Variants in TRPM4 observed in about 807,000 individuals in gnomAD.
The protein encoded by TRPM4 is calcium-activated non-selective cation channel 1.
Under a neutral mutation model 135.6 loss-of-function variants are expected in TRPM4, and 124 were observed. The ratio of observed to expected loss-of-function variants is 0.91; its 90% confidence interval spans 0.79 to 1.06. The LOEUF (loss-of-function observed/expected upper bound fraction) is 1.06, where lower values mean the gene tolerates loss of function less well. Ranked by LOEUF, TRPM4 falls within the 50% of genes least tolerant of loss-of-function variation. The pLI is 0.00. For synonymous variants in TRPM4, 745 were observed against 705.6 expected, an observed-to-expected ratio of 1.06 and a Z score of -0.88; for missense variants, 1,658 against 1,671.4, an observed-to-expected ratio of 0.99 and a Z score of 0.14.
intron 9 of TRPM4, among the ~76,000 whole-genome samples, chr19:49,174,667 C>T (rs942259032): frequency 6.7e-6 from 1 of 149,228 alleles, no homozygotes; most frequent in Non-Finnish European, 1.5e-5. Flanking sequence ...GTGGCTGAGG[C>T]AGGGGAATCG....
chr19:49,200,181 GGGTCCT>G, intron 17 of TRPM4, 113 bp from the exon 18 acceptor site: 1 of 1,486,884 alleles, frequency 6.7e-7, no homozygotes, highest in Admixed American at 1.7e-5. Flanking sequence ...GTGACTGGGA[GGGTCCT>G]GGTCCTGCCC....
At position 49,167,623 on chromosome 19, in the gene TRPM4, G is replaced by C. The variant is rs146846093; in HGVS notation, c.268-294G>C. The C allele has an allele frequency of 3.2e-4, 72 of 224,614 alleles. 1 individual carries two copies. The highest frequency in any genetic ancestry group is 3.0e-3 in the African/African-American group (52 of 17,552). The allele number at this position is 224,614 out of a possible 1,614,324, so 13.9% of individuals were successfully genotyped here. A position where few individuals can be genotyped will look rare whatever the true frequency, so the allele number is the denominator to read the frequency against. On this transcript the variant is annotated intron_variant, in intron 3 of 24. Transcript: ENST00000252826. ...CCATCTCTCTGGGTCTCTGTCCCAT[G>C]TCTCTGGGTCTCTGTCCCTCTCTCT... is the stretch of plus-strand genomic sequence containing the variant.
At position 49,181,342 on chromosome 19, in the gene TRPM4, C is replaced by T; in HGVS notation, c.1151-7C>T. On this transcript the variant is annotated splice_polypyrimidine_tract_variant and splice_region_variant and intron_variant, in intron 9 of 24. Coordinates refer to ENST00000252826, the MANE Select transcript of TRPM4 (RefSeq NM_017636.4). ...CTTCTTGTCCCCTCTCCCTCTAATC[C>T]TTCCAGCCTGTGGGAGCTCGGAGGC... 17 of 1,609,684 alleles carry T rather than the reference C, an allele frequency of 1.1e-5. No homozygotes were observed. Among genetic ancestry groups the T allele is most frequent in the Non-Finnish European group, 1.4e-5 (16 of 1,176,162 alleles).
At chr19:49,174,592 C>A (rs566463774) in intron 9 of TRPM4, among the ~76,000 whole-genome samples, 14 of 152,008 alleles carry the variant, frequency 9.2e-5, no homozygotes, top group African/African-American at 3.1e-4. Context: ...GAAATGCCAC[C>A]TCTATAAAAA....
intron 17 of TRPM4, among the ~76,000 whole-genome samples, chr19:49,199,254 TTTTTG>T (rs1968821035): frequency 2.6e-5 from 2 of 76,718 alleles, no homozygotes; most frequent in East Asian, 3.2e-4. Context: ...TTTTTTTTGG[TTTTTG>T]TTTTTGTTTT....
rs537498276 is a variant in TRPM4, at chr19:49,170,572, G to A, written c.797-785G>A. ...GATTTTGGTAAATATCTATATTGTG[G>A]TTAGATAGCCCTTTCTATTCCCATT... On this transcript the variant is annotated intron_variant, in intron 6 of 24. Transcript: ENST00000252826. Among the ~76,000 whole-genome samples the A allele has an allele frequency of 5.9e-5, 9 of 152,234 alleles. No homozygotes were observed. The South Asian group carries it at 1.9e-3, about 32-fold the overall frequency.
At chr19:49,183,012 G>A in intron 11 of TRPM4, 66 bp from the exon 12 acceptor site, 9 of 1,602,898 alleles carry the variant, frequency 5.6e-6, no homozygotes, top group Non-Finnish European at 7.6e-6. Flanking sequence ...CCAAACCAGA[G>A]GCAGGGCTGG....
chr19:49,182,967 C>T (rs777775440), intron 11 of TRPM4, 45 bp downstream of exon 11: 1 of 1,588,868 alleles, frequency 6.3e-7, no homozygotes, highest in South Asian at 1.1e-5. Context: ...GCGGGAAGGA[C>T]CTGGGGGCGG....
intron 11 of TRPM4, 24 bp downstream of exon 11, chr19:49,182,946 G>A (rs1305271281): frequency 1.3e-6 from 2 of 1,582,696 alleles, no homozygotes; most frequent in East Asian, 2.3e-5. Context: ...AAAGCTGGGG[G>A]GCCCCCCCGC....
intron 3 of TRPM4, 42 bp downstream of exon 3, chr19:49,166,257 C>A: frequency 1.3e-6 from 2 of 1,547,384 alleles, no homozygotes; most frequent in Non-Finnish European, 8.7e-7. Flanking sequence ...CACCAGGGGG[C>A]TGCATGCTCG....
chr19:49,163,139 C>G (rs1226781883), intron 2 of TRPM4, among the ~76,000 whole-genome samples: 2 of 151,756 alleles, frequency 1.3e-5, no homozygotes, highest in Non-Finnish European at 2.9e-5. Flanking sequence ...ATGCAGCTAT[C>G]ACATTGGACA....
At chr19:49,183,898 C>T (rs532614185) in intron 12 of TRPM4, among the ~76,000 whole-genome samples, 25 of 151,312 alleles carry the variant, frequency 1.7e-4, no homozygotes, top group Non-Finnish European at 2.8e-4. Flanking sequence ...CTCAGCCTCC[C>T]GAGTAGCTGG....
At position 49,188,638 on chromosome 19, in the gene TRPM4, C is replaced by CCTGG; in HGVS notation, c.1744-3_1744-2insCTGG. ...CGCATCCGTGCCCTCTTTGTCTCTC[C>CCTGG]AGGGTTCCAATGCAGTTTCCTCAGC... On this transcript the variant is annotated splice_polypyrimidine_tract_variant and splice_region_variant and intron_variant, in intron 12 of 24. Coordinates refer to ENST00000252826, the MANE Select transcript of TRPM4 (RefSeq NM_017636.4). The CCTGG allele has an allele frequency of 1.2e-6, 2 of 1,614,206 alleles. No homozygotes were observed. The highest frequency in any genetic ancestry group is 2.7e-5 in the African/African-American group (2 of 75,050).
chr19:49,181,190 A>G (rs1048129523), intron 9 of TRPM4, among the ~76,000 whole-genome samples, 159 bp from the exon 10 acceptor site: 1 of 152,170 alleles, frequency 6.6e-6, no homozygotes, highest in Non-Finnish European at 1.5e-5. Context: ...CCTTATGCCT[A>G]TGATAGCCTG....
At chr19:49,176,008 C>G (rs888090007) in intron 9 of TRPM4, among the ~76,000 whole-genome samples, 2 of 149,656 alleles carry the variant, frequency 1.3e-5, no homozygotes, top group Non-Finnish European at 3.0e-5. Flanking sequence ...ACTGCAACCT[C>G]CTCCTCCCAG....
At chr19:49,167,527 T>TTGTCCCCGTCTCTCTGGGTCTC (rs1568458166) in intron 3 of TRPM4, 1 of 86,036 alleles carries the variant, frequency 1.2e-5, no homozygotes, top group Non-Finnish European at 2.1e-5. Flanking sequence ...CTCTGGGTCT[T>TTGTCCCCGTCTCTCTGGGTCTC]TGTCCCCGTC....
At position 49,210,875 on chromosome 19, in the gene TRPM4, C is replaced by T; in HGVS notation, c.3461+33C>T. On this transcript the variant is annotated intron_variant, in intron 22 of 24. Transcript: ENST00000252826. The surrounding 1 kb of genome is among the most constrained non-coding windows in gnomAD (Gnocchi z 4.1). The stretch of plus-strand genomic sequence containing the variant: ...CGGGGCCTGGTCGGGGATGGGGCTT[C>T]TGGCCTGGGGCGGATCCTGACTTCA... The T allele has an allele frequency of 1.9e-6, 3 of 1,546,316 alleles. No individual in the cohort carries two copies. The South Asian group carries it at 3.4e-5, about 18-fold the overall frequency.
At chr19:49,204,982 G>GTTTT (rs756332219) in intron 20 of TRPM4, among the ~76,000 whole-genome samples, 1,186 of 60,170 alleles carry the variant, frequency 0.02, 6 homozygotes, top group Non-Finnish European at 0.03. Flanking sequence ...GGCTTTGGTT[G>GTTTT]TTTTTTTTTT....
chr19:49,181,031 G>A (rs965304333), intron 9 of TRPM4, among the ~76,000 whole-genome samples: 1 of 152,002 alleles, frequency 6.6e-6, no homozygotes, highest in Non-Finnish European at 1.5e-5. Context: ...CTTCTTCAGG[G>A]TAGGAACTGT....
Sources: gnomAD v4.1 joint callset for allele counts (sites outside exome capture counted in the v4.1 genomes callset) on GRCh38, gnomAD v4.1.1 for gene constraint, Gnocchi (gnomAD v3.1) non-coding constraint, MANE v1.5 for transcripts, NCBI Gene and HGNC (gene_info 2026-07-23, HGNC 2026-07-21) for gene names.